HFM1: variants seen among roughly 807,000 people sequenced by gnomAD.
HFM1 encodes the protein helicase for meiosis 1, also known as probable ATP-dependent DNA helicase HFM1.
HFM1 carries 169 observed loss-of-function variants against 192.1 expected under a neutral mutation model. That is an observed-to-expected ratio of 0.88 (90% confidence interval 0.78 to 1.00). The LOEUF is 1.00. Among genes scored for constraint, HFM1 ranks in the 50% least tolerant of loss-of-function variants. The pLI is 0.00. For synonymous variants in HFM1, 525 were observed against 537.8 expected, an observed-to-expected ratio of 0.98 and a Z score of 0.33; for missense variants, 1,661 against 1,668.0, an observed-to-expected ratio of 1.00 and a Z score of 0.07.
intron 18 of HFM1, among the ~76,000 whole-genome samples, chr1:91,349,214 T>G (rs1656593970): frequency 6.6e-6 from 1 of 151,528 alleles, no homozygotes; most frequent in Non-Finnish European, 1.5e-5. Flanking sequence ...CTTGAACCTG[T>G]GAGGTGGAGA....
intron 13 of HFM1, among the ~76,000 whole-genome samples, chr1:91,362,914 C>G (rs1174761480): frequency 1.3e-5 from 2 of 152,066 alleles, no homozygotes; most frequent in African/African-American, 4.8e-5. Context: ...GTGACAAAAG[C>G]AAGCAATGGG....
intron 13 of HFM1, 115 bp from the exon 14 acceptor site, chr1:91,353,414 C>T: frequency 1.8e-6 from 1 of 559,880 alleles, no homozygotes; most frequent in Non-Finnish European, 3.1e-6. Flanking sequence ...ATATCATTAT[C>T]TGAAAACTAT....
Position 91,267,857 on chromosome 1 carries a change from T to G in HFM1, c.3773-2A>C. On this transcript the variant is annotated splice_acceptor_variant, in intron 34 of 38. Coordinates refer to ENST00000370425, the MANE Select transcript of HFM1 (RefSeq NM_001017975.6). LOFTEE classifies it high-confidence loss of function. ...ATTCAAAGTTCACATTCAAAACTTC[T>G]GAAAATAGAGAATTGCTTTTATCTG... 1 of 1,499,546 alleles carries G rather than the reference T, an allele frequency of 6.7e-7. No homozygotes were observed. The highest frequency in any genetic ancestry group is 9.1e-7 in the Non-Finnish European group (1 of 1,096,628). The allele number at this position is 1,499,546 out of a possible 1,614,324, so 92.9% of individuals were successfully genotyped here. A position where few individuals can be genotyped will look rare whatever the true frequency, so the allele number is the denominator to read the frequency against.
chr1:91,326,639 A>C (rs2893151), intron 20 of HFM1, among the ~76,000 whole-genome samples: 1 of 152,104 alleles, frequency 6.6e-6, no homozygotes, highest in Non-Finnish European at 1.5e-5. Flanking sequence ...TCTGAAAGAA[A>C]AGGATGTTAA....
chr1:91,304,132 G>T (rs1649265509), intron 30 of HFM1, among the ~76,000 whole-genome samples: 2 of 152,140 alleles, frequency 1.3e-5, no homozygotes, highest in South Asian at 4.1e-4. Flanking sequence ...TGGGATTACA[G>T]ATGTGAGCCA....
At chr1:91,300,005 T>G (rs1283403269) in intron 30 of HFM1, among the ~76,000 whole-genome samples, 1 of 152,126 alleles carries the variant, frequency 6.6e-6, no homozygotes, top group Non-Finnish European at 1.5e-5. Context: ...GAGCTGGTTT[T>G]TTGAAAGATA....
Position 91,394,333 on chromosome 1 carries a change from G to A in HFM1, c.254C>T (p.Ser85Leu). ...KITNEDTNYI[S>L]LTQKFQFAFP... Reference sequence around the variant, plus strand: ...GGCAAACTGGAATTTTTGTGTTAGTGAAATATAATTTGTATCTTCATTAGT... The same window carrying A: ...GGCAAACTGGAATTTTTGTGTTAGTAAAATATAATTTGTATCTTCATTAGT... The change falls in exon 4 of 39, where the codon TCA becomes TTA. Residue 85 changes from serine to leucine, a missense_variant. Transcript: ENST00000370425. 1.3e-6 allele frequency: 2 copies of A among 1,581,052 alleles called. No individual in the cohort carries two copies. Among genetic ancestry groups the A allele is most frequent in the Non-Finnish European group, 1.7e-6 (2 of 1,151,396 alleles).
chr1:91,306,125 G>T (rs192246797), intron 30 of HFM1, among the ~76,000 whole-genome samples: 1 of 152,170 alleles, frequency 6.6e-6, no homozygotes, highest in East Asian at 1.9e-4. Flanking sequence ...CCTGAGGTTG[G>T]GAGTTCAAGA....
Position 91,321,576 on chromosome 1 carries a change from G to T in HFM1, c.2582+1374C>A, listed in dbSNP as rs138727073. 9.2e-5 allele frequency among the ~76,000 whole-genome samples: 14 copies of T among 152,172 alleles called. No homozygotes were observed. The East Asian group carries it at 1.9e-3, about 21-fold the overall frequency. On this transcript the variant is annotated intron_variant, in intron 23 of 38. Transcript: ENST00000370425. ...ATTTGAAGTTCAGCAAAGTAACAGG[G>T]ATATGACAAAGCCATGAAAAAGGTA...
intron 30 of HFM1, among the ~76,000 whole-genome samples, chr1:91,281,693 G>A (rs1194529212): frequency 6.6e-6 from 1 of 152,164 alleles, no homozygotes; most frequent in Non-Finnish European, 1.5e-5. Context: ...TAGAACATAA[G>A]GTTGAAAATC....
chr1:91,358,657 C>T (rs1281210821), intron 13 of HFM1, among the ~76,000 whole-genome samples: 1 of 152,162 alleles, frequency 6.6e-6, no homozygotes, highest in Non-Finnish European at 1.5e-5. Context: ...GACAAAAGAT[C>T]TAAATGTAAG....
chr1:91,339,226 A>C (rs1655012758), intron 20 of HFM1, among the ~76,000 whole-genome samples: 1 of 151,730 alleles, frequency 6.6e-6, no homozygotes. Flanking sequence ...CTGGCAACTC[A>C]AAATACCAGA....
chr1:91,300,769 T>C (rs1415092617), intron 30 of HFM1, among the ~76,000 whole-genome samples: 1 of 152,182 alleles, frequency 6.6e-6, no homozygotes, highest in African/African-American at 2.4e-5. Flanking sequence ...AAATTAGTTA[T>C]TGATGGGACG....
intron 30 of HFM1, among the ~76,000 whole-genome samples, chr1:91,307,132 T>C (rs1649723962): frequency 6.6e-6 from 1 of 152,174 alleles, no homozygotes; most frequent in Non-Finnish European, 1.5e-5. Flanking sequence ...TATTTATCTT[T>C]TCTAAGAACC....
chr1:91,331,768 C>T (rs1025289823), intron 20 of HFM1, among the ~76,000 whole-genome samples: 10 of 152,054 alleles, frequency 6.6e-5, no homozygotes, highest in South Asian at 2.1e-4. Flanking sequence ...TGATGGCAGG[C>T]GCCTGTAATC....
chr1:91,299,624 A>G (rs570875893), intron 30 of HFM1, among the ~76,000 whole-genome samples: 1 of 152,354 alleles, frequency 6.6e-6, no homozygotes, highest in East Asian at 1.9e-4. Flanking sequence ...CTCAGGATTA[A>G]GAAATTCACT....
rs749852216 is a variant in HFM1, at chr1:91,276,721, C to A, written c.3495G>T (p.Lys1165Asn). 3.9e-6 allele frequency: 6 copies of A among 1,526,636 alleles called. No individual in the cohort carries two copies. In the Admixed American group the frequency reaches 1.3e-4, roughly 33 times the overall value. The allele number at this position is 1,526,636 out of a possible 1,614,324, so 94.6% of individuals were successfully genotyped here. Residue 1165 changes from lysine to asparagine, a missense_variant, in exon 32 of 39, where the codon AAG (lysine) becomes AAT (asparagine). Transcript: ENST00000370425. ...HDCCKIGVAQ[K>N]SEIKESTISS... ...AAATTGTTGACTCTTTAATTTCTGA[C>A]TTCTGTGCAACTCCAATTTTACCTA... is the stretch of plus-strand genomic sequence containing the variant.
At chr1:91,272,015 C>T (rs1666351068) in intron 34 of HFM1, among the ~76,000 whole-genome samples, 1 of 152,102 alleles carries the variant, frequency 6.6e-6, no homozygotes, top group Admixed American at 6.6e-5. Context: ...TAATTTGTGA[C>T]ATTTTTTCTT....
rs138205866 is a variant in HFM1 at position 91,271,074 on chromosome 1, G to A, written c.3772+2638C>T. Among the ~76,000 whole-genome samples, 19 of 152,160 alleles carry A rather than the reference G, an allele frequency of 1.2e-4. No homozygotes were observed. The East Asian group carries it at 3.1e-3, about 25-fold the overall frequency. On this transcript the variant is annotated intron_variant, in intron 34 of 38. Coordinates refer to ENST00000370425, the MANE Select transcript of HFM1 (RefSeq NM_001017975.6). ...AATTCTACTGGATCCTAGTAAGGCC[G>A]TTATTCATGGTGCCCTGCCTTCTCT...
Sources: gnomAD v4.1 joint callset for allele counts (sites outside exome capture counted in the v4.1 genomes callset) on GRCh38, gnomAD v4.1.1 for gene constraint, MANE v1.5 for transcripts, NCBI Gene and HGNC (gene_info 2026-07-23, HGNC 2026-07-21) for gene names.